GRM8: variants seen among roughly 807,000 people sequenced by gnomAD.
The protein encoded by GRM8 is metabotropic glutamate receptor 8.
GRM8 carries 47 observed loss-of-function variants against 87.2 expected under a neutral mutation model. The ratio of observed to expected loss-of-function variants is 0.54; its 90% CI spans 0.43 to 0.69. The LOEUF (loss-of-function observed/expected upper bound fraction) is 0.69, where lower values mean the gene tolerates loss of function less well. GRM8 is among the 30% of genes least tolerant of loss of function. GRM8 has a pLI of 0.00. For missense variants in GRM8, 1,019 were observed against 1,139.2 expected (o/e 0.89, Z 1.52); for synonymous variants, 396 against 404.5 (o/e 0.98, Z 0.25).
At chr7:126,617,993 A>C (rs1381102019) in intron 7 of GRM8, among the ~76,000 whole-genome samples, 4 of 152,212 alleles carry the variant, frequency 2.6e-5, no homozygotes, top group Non-Finnish European at 5.9e-5. Flanking sequence ...TCAAGCTACC[A>C]ATGACTTTCT....
chr7:126,904,693 AAAG>A lies in GRM8; in HGVS notation c.728-13_728-11del, dbSNP rs1168174307. 2.5e-6 allele frequency: 4 copies of A among 1,611,980 alleles called. No individual in the cohort carries two copies. In the African/African-American group the frequency reaches 5.3e-5, roughly 22 times the overall value. ...GCAATGCAAACACCACCTATTTAAAAAAGAAGGGAGGTGGTGATTCAGAAAGAG... is the reference window on the plus strand; with the variant it reads ...GCAATGCAAACACCACCTATTTAAAAAAGGGAGGTGGTGATTCAGAAAGAG... On this transcript the variant is annotated splice_polypyrimidine_tract_variant and intron_variant, in intron 3 of 10. Transcript: ENST00000339582.
At chr7:127,095,664 C>T (rs982793874) in intron 3 of GRM8, 1 of 152,182 alleles carries the variant, frequency 6.6e-6, no homozygotes, top group Admixed American at 6.5e-5. Context: ...CTGTGTACTT[C>T]CTTTGAGTTT....
At chr7:126,979,720 C>T (rs775568176) in intron 3 of GRM8, among the ~76,000 whole-genome samples, 17 of 152,358 alleles carry the variant, frequency 1.1e-4, no homozygotes, top group Non-Finnish European at 2.2e-4. Flanking sequence ...TCTCTGCTCT[C>T]TTTCCCTGGT....
At chr7:127,000,197 A>G (rs1488857898) in intron 3 of GRM8, among the ~76,000 whole-genome samples, 2 of 125,024 alleles carry the variant, frequency 1.6e-5, no homozygotes, top group African/African-American at 2.6e-5. Flanking sequence ...AATTAAAACA[A>G]TTGAACTCAT....
chr7:126,618,357 A>G (rs1799752517), intron 7 of GRM8, among the ~76,000 whole-genome samples: 1 of 152,178 alleles, frequency 6.6e-6, no homozygotes, highest in East Asian at 1.9e-4. Context: ...CCTTCCTTAC[A>G]CCTTATACAA....
At chr7:127,149,243 C>T (rs1828716562) in intron 2 of GRM8, among the ~76,000 whole-genome samples, 1 of 151,668 alleles carries the variant, frequency 6.6e-6, no homozygotes, top group Admixed American at 6.6e-5. Flanking sequence ...ACAAATAACT[C>T]AATTTTAAAA....
chr7:126,535,223 C>G (rs1479133272), intron 8 of GRM8, among the ~76,000 whole-genome samples: 1 of 152,180 alleles, frequency 6.6e-6, no homozygotes, highest in Non-Finnish European at 1.5e-5. Flanking sequence ...TAGGGCTAGT[C>G]TGTGTAAACA....
At chr7:126,661,540 C>G (rs1805175589) in intron 7 of GRM8, among the ~76,000 whole-genome samples, 1 of 152,164 alleles carries the variant, frequency 6.6e-6, no homozygotes, top group South Asian at 2.1e-4. Flanking sequence ...GGATGGGGGT[C>G]AGCCAGCATG....
chr7:126,557,338 G>A (rs1793258929), intron 8 of GRM8, among the ~76,000 whole-genome samples: 1 of 152,214 alleles, frequency 6.6e-6, no homozygotes, highest in South Asian at 2.1e-4. Context: ...ATCTGACAGA[G>A]ACGGGCTCAG....
intron 8 of GRM8, among the ~76,000 whole-genome samples, chr7:126,601,843 G>C (rs1456001395): frequency 2.8e-4 from 39 of 141,156 alleles, no homozygotes; most frequent in Non-Finnish European, 4.6e-4. Context: ...CCCTTTGTCA[G>C]ATGAGTAGGT....
intron 9 of GRM8, among the ~76,000 whole-genome samples, chr7:126,449,185 T>C (rs1050148509): frequency 1.3e-5 from 2 of 151,744 alleles, no homozygotes; most frequent in African/African-American, 2.4e-5. Context: ...TTTTAAAAGA[T>C]AAAGTTTACA....
At chr7:126,758,297 T>C (rs1409872801) in intron 7 of GRM8, among the ~76,000 whole-genome samples, 12 of 152,224 alleles carry the variant, frequency 7.9e-5, no homozygotes, top group Admixed American at 7.9e-4. Flanking sequence ...TCTCATTAAA[T>C]GCTCACAATA....
intron 3 of GRM8, among the ~76,000 whole-genome samples, chr7:127,099,703 A>C (rs1227501949): frequency 6.6e-6 from 1 of 152,098 alleles, no homozygotes; most frequent in African/African-American, 2.4e-5. Context: ...CTTATTACTA[A>C]CCTGTTGTCC....
intron 2 of GRM8, among the ~76,000 whole-genome samples, chr7:127,188,323 A>G (rs2116464326): frequency 6.6e-6 from 1 of 152,316 alleles, no homozygotes; most frequent in East Asian, 1.9e-4. Flanking sequence ...AATTACAGTG[A>G]AAAGTTCTTA....
intron 8 of GRM8, among the ~76,000 whole-genome samples, chr7:126,572,478 CT>C (rs1468033317): frequency 6.6e-6 from 1 of 152,164 alleles, no homozygotes; most frequent in Non-Finnish European, 1.5e-5. Flanking sequence ...CAAGTTACCC[CT>C]AGTTTCCTAC....
At position 127,160,287 on chromosome 7, in the gene GRM8, G is replaced by A. The variant is rs534435400; in HGVS notation, c.511-53575C>T. Among the ~76,000 whole-genome samples, 11 of 152,178 alleles carry A rather than the reference G, an allele frequency of 7.2e-5. No homozygotes were observed. The South Asian group carries it at 2.3e-3, about 32-fold the overall frequency. On this transcript the variant is annotated intron_variant, in intron 2 of 10. Coordinates refer to ENST00000339582, the MANE Select transcript of GRM8 (RefSeq NM_000845.3). Reference sequence around the variant, plus strand: ...TAACTGGGAGTGGAAACCTGCCAACGGGACTTGCAGGGTTGAAGGATAGAA... The same window carrying A: ...TAACTGGGAGTGGAAACCTGCCAACAGGACTTGCAGGGTTGAAGGATAGAA...
chr7:127,228,160 TGAGTCCATCA>T (rs996455266), intron 2 of GRM8, among the ~76,000 whole-genome samples: 1 of 152,230 alleles, frequency 6.6e-6, no homozygotes, highest in African/African-American at 2.4e-5. Flanking sequence ...CATGGACTTT[TGAGTCCATCA>T]GACACATAGG....
At chr7:127,135,511 G>C (rs936758637) in intron 2 of GRM8, among the ~76,000 whole-genome samples, 1 of 150,816 alleles carries the variant, frequency 6.6e-6, no homozygotes, top group Non-Finnish European at 1.5e-5. Flanking sequence ...GTTAAGGATG[G>C]GAATAGGTGA....
chr7:126,770,622 T>C (rs1818739563), intron 6 of GRM8, among the ~76,000 whole-genome samples: 1 of 152,072 alleles, frequency 6.6e-6, no homozygotes. Flanking sequence ...AATTTTCTAT[T>C]TAGAATTTCT....
Sources: gnomAD v4.1 joint callset for allele counts (sites outside exome capture counted in the v4.1 genomes callset) on GRCh38, gnomAD v4.1.1 for gene constraint, MANE v1.5 for transcripts, NCBI Gene and HGNC (gene_info 2026-07-23, HGNC 2026-07-21) for gene names.